The following ZNF385D variants were observed in gnomAD, a reference collection of about 807,000 sequenced individuals.
The protein encoded by ZNF385D is zinc finger protein 659.
ZNF385D carries 15 observed loss-of-function variants against 35.8 expected under a neutral mutation model. The observed-to-expected ratio is 0.42, with a 90% CI of 0.28 to 0.64. ZNF385D has a LOEUF of 0.64. ZNF385D is among the 30% of genes least tolerant of loss of function. The pLI, the probability that ZNF385D is intolerant of heterozygous loss-of-function variation, is 0.23. For missense variants in ZNF385D, 474 were observed against 494.6 expected, an observed-to-expected ratio of 0.96 and a Z score of 0.39; for synonymous variants, 212 against 186.8, an observed-to-expected ratio of 1.13 and a Z score of -1.10.
chr3:21,670,299 T>C (rs2066526561), intron 1 of ZNF385D, among the ~76,000 whole-genome samples: 1 of 151,852 alleles, frequency 6.6e-6, no homozygotes, highest in African/African-American at 2.4e-5. Flanking sequence ...TTGACATAAA[T>C]ACTTATGTTG....
chr3:21,518,223 T>A (rs1203177900), intron 3 of ZNF385D, among the ~76,000 whole-genome samples: 2 of 152,048 alleles, frequency 1.3e-5, no homozygotes, highest in African/African-American at 2.4e-5. Context: ...ATTATCGATT[T>A]TTTTTTCCTT....
chr3:21,421,296 G>A lies in ZNF385D; in HGVS notation c.1106C>T (p.Ser369Phe). The change falls in exon 8 of 8, where the codon TCC (serine) becomes TTC (phenylalanine). Residue 369 changes from serine to phenylalanine, a missense_variant. Coordinates refer to ENST00000281523, the MANE Select transcript of ZNF385D (RefSeq NM_024697.3). ...TAPAATLFQT[S>F]ALPPALLRPA... Reference sequence around the variant, plus strand: ...CCGCAGGAGTGCCGGAGGAAGCGCGGAAGTCTGGAACAGTGTTGCTGCTGG... The same window carrying A: ...CCGCAGGAGTGCCGGAGGAAGCGCGAAAGTCTGGAACAGTGTTGCTGCTGG... 6.2e-7 allele frequency: 1 copy of A among 1,614,136 alleles called. No homozygotes were observed. Among genetic ancestry groups the A allele is most frequent in the Non-Finnish European group, 8.5e-7 (1 of 1,180,010 alleles).
At chr3:21,588,132 A>G (rs895320044) in intron 2 of ZNF385D, among the ~76,000 whole-genome samples, 1 of 152,318 alleles carries the variant, frequency 6.6e-6, no homozygotes, top group East Asian at 1.9e-4. Context: ...GTAGAGATAA[A>G]TACCACAGAA....
chr3:22,165,126 C>T (rs916657612), intron 3 of ZNF385D, among the ~76,000 whole-genome samples: 4 of 152,092 alleles, frequency 2.6e-5, no homozygotes, highest in Admixed American at 2.0e-4. Context: ...TGTACAACAC[C>T]AATGGTAAAC....
chr3:21,442,833 ATGTC>A (rs2125250523), intron 4 of ZNF385D, among the ~76,000 whole-genome samples: 1 of 151,572 alleles, frequency 6.6e-6, no homozygotes, highest in South Asian at 2.1e-4. Flanking sequence ...ATGAGTGTAT[ATGTC>A]TATGTGTATG....
chr3:21,878,118 C>T (rs1698078979), intron 3 of ZNF385D: 1 of 151,908 alleles, frequency 6.6e-6, no homozygotes, highest in African/African-American at 2.4e-5. Context: ...ATCTTAGGTT[C>T]AGTAAAATAT....
intron 3 of ZNF385D, among the ~76,000 whole-genome samples, chr3:22,074,637 A>C (rs1410962479): frequency 1.3e-5 from 2 of 151,922 alleles, no homozygotes; most frequent in Non-Finnish European, 2.9e-5. Flanking sequence ...ACAATATAAG[A>C]AAAAACCTCC....
intron 1 of ZNF385D, among the ~76,000 whole-genome samples, chr3:21,723,163 C>A (rs556713149): frequency 6.6e-6 from 1 of 152,146 alleles, no homozygotes; most frequent in South Asian, 2.1e-4. Context: ...ACATCAAAGA[C>A]GAAAGGTAGA....
chr3:22,307,011 T>C (rs941054159), intron 2 of ZNF385D, among the ~76,000 whole-genome samples: 3 of 152,170 alleles, frequency 2.0e-5, no homozygotes, highest in African/African-American at 7.2e-5. Flanking sequence ...TAATACCCCA[T>C]TGATGGCTCT....
intron 2 of ZNF385D, among the ~76,000 whole-genome samples, chr3:21,584,288 G>A (rs896284844): frequency 3.3e-5 from 5 of 152,020 alleles, no homozygotes; most frequent in Non-Finnish European, 5.9e-5. Context: ...CCATTTACAC[G>A]TTTAAATGTT....
At chr3:21,678,616 A>G (rs2066802869) in intron 1 of ZNF385D, among the ~76,000 whole-genome samples, 1 of 152,114 alleles carries the variant, frequency 6.6e-6, no homozygotes. Flanking sequence ...GTTTGACTTA[A>G]ATTGTAAAGA....
chr3:22,130,194 G>A (rs1345846237), intron 3 of ZNF385D, among the ~76,000 whole-genome samples: 2 of 152,102 alleles, frequency 1.3e-5, no homozygotes, highest in Non-Finnish European at 2.9e-5. Flanking sequence ...AATCCAAGTT[G>A]CAAGACAAAG....
intron 3 of ZNF385D, among the ~76,000 whole-genome samples, chr3:21,934,064 A>G (rs1464325601): frequency 6.6e-6 from 1 of 152,180 alleles, no homozygotes; most frequent in African/African-American, 2.4e-5. Flanking sequence ...AAATTTAGAA[A>G]GAAATCATTC....
intron 2 of ZNF385D, among the ~76,000 whole-genome samples, chr3:22,174,500 A>G (rs1172951247): frequency 1.3e-5 from 2 of 152,158 alleles, no homozygotes; most frequent in African/African-American, 4.8e-5. Flanking sequence ...AAACCAAAAT[A>G]TTCTTGTTTT....
intron 2 of ZNF385D, among the ~76,000 whole-genome samples, chr3:22,223,796 C>T (rs988867817): frequency 2.6e-5 from 4 of 152,258 alleles, no homozygotes; most frequent in South Asian, 2.1e-4. Flanking sequence ...TGATTTCCGA[C>T]ATTATTCATG....
intron 3 of ZNF385D, among the ~76,000 whole-genome samples, chr3:21,842,704 T>C (rs1271354047): frequency 1.3e-5 from 2 of 152,068 alleles, no homozygotes; most frequent in Admixed American, 1.3e-4. Context: ...AGTGATGCAG[T>C]CAATCCATCA....
chr3:22,347,771 C>G (rs1559533740), intron 2 of ZNF385D, among the ~76,000 whole-genome samples: 1 of 152,060 alleles, frequency 6.6e-6, no homozygotes, highest in Non-Finnish European at 1.5e-5. Context: ...AACAAAATTC[C>G]TAAAACCACA....
intron 3 of ZNF385D, among the ~76,000 whole-genome samples, chr3:21,974,678 A>C (rs12630154): frequency 0.25 from 37,821 of 152,054 alleles, 5,152 homozygotes; most frequent in East Asian, 0.32. Context: ...TCTATCTGAT[A>C]AGGGATTACT....
chr3:22,335,077 TTTCA>T (rs1476163088), intron 2 of ZNF385D, among the ~76,000 whole-genome samples: 1 of 152,188 alleles, frequency 6.6e-6, no homozygotes, highest in African/African-American at 2.4e-5. Context: ...AATTTCCTGC[TTTCA>T]TTGAGTATTA....
Sources: gnomAD v4.1 joint callset for allele counts (sites outside exome capture counted in the v4.1 genomes callset) on GRCh38, gnomAD v4.1.1 for gene constraint, MANE v1.5 for transcripts, NCBI Gene and HGNC (gene_info 2026-07-23, HGNC 2026-07-21) for gene names.